Variants in HSPA4L observed in about 807,000 individuals in gnomAD.
The protein encoded by HSPA4L is heat shock protein family A (Hsp70) member 4 like.
Under a neutral mutation model 100.3 loss-of-function variants are expected in HSPA4L, and 48 were observed. That is an observed-to-expected ratio of 0.48 (90% CI 0.38 to 0.61). HSPA4L has a LOEUF of 0.61. Among genes scored for constraint, HSPA4L ranks in the 20% least tolerant of loss-of-function variants. HSPA4L has a pLI of 0.00. For missense variants in HSPA4L, 886 were observed against 988.6 expected, an observed-to-expected ratio of 0.90 and a Z score of 1.39; for synonymous variants, 319 against 328.2, an observed-to-expected ratio of 0.97 and a Z score of 0.30.
chr4:127,825,797 G>A (rs1364362529), intron 16 of HSPA4L, among the ~76,000 whole-genome samples: 1 of 151,760 alleles, frequency 6.6e-6, no homozygotes, highest in Non-Finnish European at 1.5e-5. Context: ...ATGGTGGCAC[G>A]CACCTGTAAT....
intron 1 of HSPA4L, chr4:127,783,490 G>C: frequency 2.1e-6 from 3 of 1,457,182 alleles, no homozygotes; most frequent in Non-Finnish European, 2.7e-6. Context: ...GGCTTAGGAG[G>C]AGCGGCGTTA....
At chr4:127,796,137 CAA>C (rs1733016031) in intron 3 of HSPA4L, among the ~76,000 whole-genome samples, 1 of 151,848 alleles carries the variant, frequency 6.6e-6, no homozygotes, top group Non-Finnish European at 1.5e-5. Flanking sequence ...TATTGAGACT[CAA>C]GAGAATAGTT....
At position 127,782,504 on chromosome 4, in the gene HSPA4L, C is replaced by T. The variant is rs757472781; in HGVS notation, c.-47C>T. Reference sequence around the variant, plus strand: ...AATAGCCCAGAAGAGGACACGGTTCCCGTACCGAAGGGTTCAGTACCAGCA... The same window carrying T: ...AATAGCCCAGAAGAGGACACGGTTCTCGTACCGAAGGGTTCAGTACCAGCA... On this transcript the variant is annotated 5_prime_UTR_variant, in exon 1 of 19. Coordinates refer to ENST00000296464, the MANE Select transcript of HSPA4L (RefSeq NM_014278.4). 1.4e-6 allele frequency: 2 copies of T among 1,480,922 alleles called. No individual in the cohort carries two copies. Among genetic ancestry groups the T allele is most frequent in the Non-Finnish European group, 9.4e-7 (1 of 1,059,536 alleles). 91.7% of individuals were successfully genotyped at this position (1,480,922 alleles called of 1,614,324 possible). A position where few individuals can be genotyped will look rare whatever the true frequency, so the allele number is the denominator to read the frequency against.
intron 3 of HSPA4L, 96 bp downstream of exon 3, chr4:127,796,004 G>C (rs1733011731): frequency 1.7e-6 from 2 of 1,188,374 alleles, no homozygotes; most frequent in South Asian, 2.8e-5. Flanking sequence ...TTTTCCTCTA[G>C]ATACAGTACA....
At chr4:127,810,290 A>G (rs1234212356) in intron 11 of HSPA4L, among the ~76,000 whole-genome samples, 1 of 152,172 alleles carries the variant, frequency 6.6e-6, no homozygotes, top group African/African-American at 2.4e-5. Context: ...TAAGAAGGGG[A>G]CAGCACAAAT....
chr4:127,783,388 C>A (rs1578683159), intron 1 of HSPA4L: 1 of 528,330 alleles, frequency 1.9e-6, no homozygotes, highest in Non-Finnish European at 2.4e-6. Context: ...GGACCAAAAG[C>A]GTGTTTCTGC....
rs970919570 is a variant in HSPA4L at position 127,834,666 on chromosome 4, C to T, written c.*1792C>T. 2 of 152,114 alleles carry T rather than the reference C, an allele frequency of 1.3e-5. No individual in the cohort carries two copies. The highest frequency in any genetic ancestry group is 2.9e-5 in the Non-Finnish European group (2 of 67,988). 9.4% of individuals were successfully genotyped at this position (152,114 alleles called of 1,614,324 possible). On this transcript the variant is annotated 3_prime_UTR_variant, in exon 19 of 19. Coordinates refer to ENST00000296464, the MANE Select transcript of HSPA4L (RefSeq NM_014278.4). ...TATTTGTATGTTGAATGTACAGATT[C>T]ATTTCAAGAAAAGCATGAAGATAAT... is the stretch of plus-strand genomic sequence containing the variant.
rs1273753774 is a variant in HSPA4L at position 127,833,554 on chromosome 4, C to T, written c.*680C>T. On this transcript the variant is annotated 3_prime_UTR_variant, in exon 19 of 19. Coordinates refer to ENST00000296464, the MANE Select transcript of HSPA4L (RefSeq NM_014278.4). The stretch of plus-strand genomic sequence containing the variant: ...CTCAGAGTAACTCGTTGTCTTTTCG[C>T]TTGAAATTTTTGATCTTGTCCTGAA... 1.3e-5 allele frequency: 2 copies of T among 152,130 alleles called. No individual in the cohort carries two copies. Among genetic ancestry groups the T allele is most frequent in the Non-Finnish European group, 2.9e-5 (2 of 67,996 alleles). 9.4% of individuals were successfully genotyped at this position (152,130 alleles called of 1,614,324 possible).
chr4:127,815,449 G>T (rs72918289), intron 12 of HSPA4L, among the ~76,000 whole-genome samples: 6 of 151,340 alleles, frequency 4.0e-5, no homozygotes, highest in African/African-American at 1.5e-4. Flanking sequence ...TACTCAGGAC[G>T]CTGGGGCTGG....
At chr4:127,827,189 G>T in intron 16 of HSPA4L, 116 bp from the exon 17 acceptor site, 1 of 776,962 alleles carries the variant, frequency 1.3e-6, no homozygotes, top group Non-Finnish European at 2.0e-6. Flanking sequence ...AATAAGAGGG[G>T]ATATATTTTT....
chr4:127,795,975 G>A (rs533738475), intron 3 of HSPA4L, 67 bp downstream of exon 3: 1 of 1,506,868 alleles, frequency 6.6e-7, no homozygotes, highest in East Asian at 2.3e-5. Flanking sequence ...TGATAATATT[G>A]CTATTTGTAG....
At chr4:127,832,121 ATTTG>A (rs1734099015) in intron 18 of HSPA4L, among the ~76,000 whole-genome samples, 1 of 152,138 alleles carries the variant, frequency 6.6e-6, no homozygotes, top group African/African-American at 2.4e-5. Context: ...GTGGTCTTCT[ATTTG>A]TTTGTAAAAA....
At chr4:127,827,511 C>A in intron 17 of HSPA4L, 87 bp downstream of exon 17, 1 of 1,431,698 alleles carries the variant, frequency 7.0e-7, no homozygotes, top group Admixed American at 1.9e-5. Flanking sequence ...AGCTACAAAG[C>A]TATAGCAGTT....
chr4:127,783,791 T>G, intron 1 of HSPA4L: 1 of 928,354 alleles, frequency 1.1e-6, no homozygotes, highest in East Asian at 2.7e-5. Context: ...TTTACTATTC[T>G]ATGGAAAGCT....
At chr4:127,809,504 C>A in intron 11 of HSPA4L, 1 of 930,648 alleles carries the variant, frequency 1.1e-6, no homozygotes, top group Non-Finnish European at 1.8e-6. Context: ...GGAAAAGAGA[C>A]TTTGTAATAT....
chr4:127,832,767 G>GAACA lies in HSPA4L; in HGVS notation c.2414_2417dup (p.His806GlnfsTer13), dbSNP rs747798797. The GAACA allele has an allele frequency of 1.2e-6, 2 of 1,613,580 alleles. No homozygotes were observed. Among genetic ancestry groups the GAACA allele is most frequent in the East Asian group, 4.5e-5 (2 of 44,848 alleles). ...TGAAGACAAACCAAAAGCTAATAGT[G>GAACA]AACACAATGGCCCAATGGATGGACA... On this transcript the variant is annotated frameshift_variant, in exon 19 of 19. Coordinates refer to ENST00000296464, the MANE Select transcript of HSPA4L (RefSeq NM_014278.4). LOFTEE classifies it high-confidence loss of function.
At position 127,834,600 on chromosome 4, in the gene HSPA4L, A is replaced by G. The variant is rs1182703494; in HGVS notation, c.*1726A>G. 1 of 152,226 alleles carries G rather than the reference A, an allele frequency of 6.6e-6. No individual in the cohort carries two copies. The highest frequency in any genetic ancestry group is 1.5e-5 in the Non-Finnish European group (1 of 68,022). 9.4% of individuals were successfully genotyped at this position (152,226 alleles called of 1,614,324 possible). A position where few individuals can be genotyped will look rare whatever the true frequency, so the allele number is the denominator to read the frequency against. ...TCTTAAAATGAAATAGGTATATCCAATAGGTGATGAAATACATTTTTTACA... is the reference window on the plus strand; with the variant it reads ...TCTTAAAATGAAATAGGTATATCCAGTAGGTGATGAAATACATTTTTTACA... On this transcript the variant is annotated 3_prime_UTR_variant, in exon 19 of 19. Transcript: ENST00000296464.
chr4:127,809,508 G>A (rs537665222), intron 11 of HSPA4L: 3 of 923,970 alleles, frequency 3.2e-6, no homozygotes, highest in African/African-American at 3.2e-5. Flanking sequence ...AAGAGACTTT[G>A]TAATATCAAA....
rs569038319 is a variant in HSPA4L, at chr4:127,827,898, A to G, written c.2166+474A>G. On this transcript the variant is annotated intron_variant, in intron 17 of 18. Transcript: ENST00000296464. Reference sequence around the variant, plus strand: ...CTGTACGCTTTATTCTTTTATGTACATATTCAAATCTATATAACCTTAATC... The same window carrying G: ...CTGTACGCTTTATTCTTTTATGTACGTATTCAAATCTATATAACCTTAATC... 2.5e-3 allele frequency among the ~76,000 whole-genome samples: 377 copies of G among 152,208 alleles called. 3 individuals carry two copies. Among genetic ancestry groups the G allele is most frequent in the African/African-American group, 8.7e-3 (363 of 41,554 alleles).
Sources: allele counts gnomAD v4.1 joint callset (sites outside exome capture counted in the v4.1 genomes callset), GRCh38; gene constraint gnomAD v4.1.1; transcripts MANE v1.5; gene names NCBI Gene and HGNC (gene_info 2026-07-23, HGNC 2026-07-21).